NBAS: variants seen among roughly 807,000 people sequenced by gnomAD.
NBAS encodes the protein NAG/BC035112 fusion.
In NBAS, 219 loss-of-function variants were observed where a neutral mutation model predicts 302.5. That is an observed-to-expected ratio of 0.72 (90% CI 0.65 to 0.81). The LOEUF is 0.81. Ranked by LOEUF, NBAS falls within the 30% of genes least tolerant of loss-of-function variation. The probability of loss-of-function intolerance (pLI) is 0.00; values close to 1 mark genes in which losing one functional copy is unlikely to be tolerated. For missense variants in NBAS, 2,932 were observed against 2,841.6 expected (o/e 1.03, Z -0.72); for synonymous variants, 1,118 against 1,021.6 (o/e 1.09, Z -1.80).
intron 42 of NBAS, among the ~76,000 whole-genome samples, chr2:15,280,508 C>A (rs1669777016): frequency 6.6e-6 from 1 of 152,136 alleles, no homozygotes; most frequent in African/African-American, 2.4e-5. Flanking sequence ...TAATAACCCT[C>A]TGCAAAAGGT....
intron 2 of NBAS, 134 bp downstream of exon 2, chr2:15,558,446 G>A (rs1347410115): frequency 7.7e-6 from 5 of 653,164 alleles, no homozygotes; most frequent in African/African-American, 1.8e-5. Flanking sequence ...ATACATATGT[G>A]TGTATATATA....
chr2:14,916,030 C>A, the NBAS span, among the ~76,000 whole-genome samples: 1 of 152,140 alleles, frequency 6.6e-6, no homozygotes, highest in Non-Finnish European at 1.5e-5. Flanking sequence ...ATTGCCCAGT[C>A]TCAGGTATGT....
At chr2:15,371,157 T>A (rs1411772927) in intron 31 of NBAS, among the ~76,000 whole-genome samples, 1 of 152,158 alleles carries the variant, frequency 6.6e-6, no homozygotes, top group Non-Finnish European at 1.5e-5. Flanking sequence ...CGGCACTTCC[T>A]CGTTCTCAAA....
At chr2:15,349,846 A>G (rs1673265997) in intron 35 of NBAS, among the ~76,000 whole-genome samples, 1 of 152,150 alleles carries the variant, frequency 6.6e-6, no homozygotes, top group South Asian at 2.1e-4. Context: ...TAAGTGCACT[A>G]GTGATATTTC....
the NBAS span, among the ~76,000 whole-genome samples, chr2:15,099,300 C>T: frequency 1.3e-5 from 2 of 151,954 alleles, no homozygotes; most frequent in East Asian, 3.9e-4. Flanking sequence ...TGTCTCCTCC[C>T]CGCCGACCCC....
the NBAS span, among the ~76,000 whole-genome samples, chr2:15,030,127 AGCT>A: frequency 6.6e-6 from 1 of 152,192 alleles, no homozygotes; most frequent in African/African-American, 2.4e-5. Flanking sequence ...TAATTTAAGC[AGCT>A]GTCTGTTGTC....
chr2:15,554,005 A>G (rs1210026092), intron 4 of NBAS, 56 bp downstream of exon 4: 1 of 1,452,114 alleles, frequency 6.9e-7, no homozygotes, highest in African/African-American at 1.4e-5. Flanking sequence ...TAACGTCCAT[A>G]ATGAAATGTA....
At chr2:15,122,047 C>T in the NBAS span, among the ~76,000 whole-genome samples, 1 of 151,982 alleles carries the variant, frequency 6.6e-6, no homozygotes, top group African/African-American at 2.4e-5. Context: ...TCCTAAATCC[C>T]CCTCAAAACA....
At chr2:14,908,160 G>A in the NBAS span, among the ~76,000 whole-genome samples, 2 of 152,154 alleles carry the variant, frequency 1.3e-5, no homozygotes, top group Non-Finnish European at 2.9e-5. Flanking sequence ...TCAGGAGATC[G>A]AGACCATCCT....
the NBAS span, among the ~76,000 whole-genome samples, chr2:15,115,468 T>C: frequency 6.6e-6 from 1 of 152,194 alleles, no homozygotes; most frequent in African/African-American, 2.4e-5. Flanking sequence ...TAGCACTTTA[T>C]CAGGCATACA....
chr2:14,904,137 TAGTC>T, the NBAS span, among the ~76,000 whole-genome samples: 2 of 152,260 alleles, frequency 1.3e-5, no homozygotes, highest in Non-Finnish European at 2.9e-5. Context: ...GGATGTGTAT[TAGTC>T]AGAGTTCTAC....
At chr2:15,137,056 C>G in the NBAS span, among the ~76,000 whole-genome samples, 1 of 152,122 alleles carries the variant, frequency 6.6e-6, no homozygotes, top group Non-Finnish European at 1.5e-5. Flanking sequence ...GCCAAAGAGG[C>G]CTGAGGGACA....
chr2:14,806,231 C>G, the NBAS span, among the ~76,000 whole-genome samples: 31 of 152,082 alleles, frequency 2.0e-4, no homozygotes, highest in Admixed American at 3.3e-4. Flanking sequence ...CTTTGAGAAC[C>G]ACCACCCTAG....
rs138450472 is a variant in NBAS at position 15,560,308 on chromosome 2, C to G, written c.117+880G>C. On this transcript the variant is annotated intron_variant, in intron 1 of 51. Coordinates refer to ENST00000281513, the MANE Select transcript of NBAS (RefSeq NM_015909.4). ...GATCCATGGTTCCTACTCTTCATCACAGACCCGGGAGGCCTTCACTACCAA... is the reference window on the plus strand; with the variant it reads ...GATCCATGGTTCCTACTCTTCATCAGAGACCCGGGAGGCCTTCACTACCAA... Among the ~76,000 whole-genome samples, 478 of 152,220 alleles carry G rather than the reference C, an allele frequency of 3.1e-3. 2 individuals are homozygous for G. The highest frequency in any genetic ancestry group is 0.011 in the African/African-American group (452 of 41,528).
intron 50 of NBAS, among the ~76,000 whole-genome samples, chr2:15,184,404 T>C (rs1221064256): frequency 6.6e-6 from 1 of 151,930 alleles, no homozygotes; most frequent in African/African-American, 2.4e-5. Flanking sequence ...CTCACCATAA[T>C]ATAGAATCAG....
At chr2:15,018,955 C>G in the NBAS span, among the ~76,000 whole-genome samples, 21 of 152,268 alleles carry the variant, frequency 1.4e-4, no homozygotes, top group Admixed American at 3.9e-4. Context: ...GAAACTGCAG[C>G]CTTTGAGTGC....
chr2:15,483,282 A>G (rs985348065), intron 12 of NBAS: 6 of 350,862 alleles, frequency 1.7e-5, no homozygotes, highest in Non-Finnish European at 3.5e-5. Flanking sequence ...AATTGTGAAA[A>G]CAGCTGTGGA....
chr2:15,378,660 G>A (rs1674874872), intron 30 of NBAS, among the ~76,000 whole-genome samples: 1 of 152,172 alleles, frequency 6.6e-6, no homozygotes, highest in Non-Finnish European at 1.5e-5. Context: ...TTATAGGAAA[G>A]TGTTGAATTT....
intron 35 of NBAS, among the ~76,000 whole-genome samples, chr2:15,334,656 A>T (rs1248479690): frequency 6.6e-6 from 1 of 152,258 alleles, no homozygotes; most frequent in African/African-American, 2.4e-5. Flanking sequence ...ATTCAGAAAA[A>T]GTATGCAAAA....
Sources: gnomAD v4.1 joint callset for allele counts (sites outside exome capture counted in the v4.1 genomes callset) on GRCh38, gnomAD v4.1.1 for gene constraint, MANE v1.5 for transcripts, NCBI Gene and HGNC (gene_info 2026-07-23, HGNC 2026-07-21) for gene names.